CNTNAP2: variants seen among roughly 807,000 people sequenced by gnomAD.
CNTNAP2 encodes contactin associated protein 2.
Under a neutral mutation model 155.2 loss-of-function variants are expected in CNTNAP2, and 98 were observed. The ratio of observed to expected loss-of-function variants is 0.63; its 90% CI spans 0.54 to 0.75. CNTNAP2 has a LOEUF of 0.75. Among genes scored for constraint, CNTNAP2 ranks in the 30% least tolerant of loss-of-function variants. The probability of loss-of-function intolerance (pLI) is 0.00; values close to 1 mark genes in which losing one functional copy is unlikely to be tolerated. For missense variants in CNTNAP2, 1,727 were observed against 1,688.1 expected, an observed-to-expected ratio of 1.02 and a Z score of -0.40; for synonymous variants, 651 against 631.2, an observed-to-expected ratio of 1.03 and a Z score of -0.47.
chr7:147,730,573 C>T (rs1042436184), intron 13 of CNTNAP2, among the ~76,000 whole-genome samples: 1 of 152,060 alleles, frequency 6.6e-6, no homozygotes, highest in Non-Finnish European at 1.5e-5. Context: ...AACTGCTCCA[C>T]CGACCAGCCA....
At chr7:147,956,206 T>C (rs1018191200) in intron 14 of CNTNAP2, among the ~76,000 whole-genome samples, 1 of 151,928 alleles carries the variant, frequency 6.6e-6, no homozygotes, top group Non-Finnish European at 1.5e-5. Context: ...AAACACAAAA[T>C]ACATGAGTGA....
intron 9 of CNTNAP2, among the ~76,000 whole-genome samples, chr7:147,387,861 T>G (rs1366519200): frequency 2.0e-5 from 3 of 152,246 alleles, no homozygotes; most frequent in Admixed American, 1.3e-4. Flanking sequence ...TTTGAGGCTA[T>G]GTTCTGCTTC....
At chr7:147,032,491 T>G (rs1799054398) in intron 3 of CNTNAP2, among the ~76,000 whole-genome samples, 1 of 152,188 alleles carries the variant, frequency 6.6e-6, no homozygotes, top group Admixed American at 6.5e-5. Flanking sequence ...GTGGTGGACT[T>G]GAGAATCAGA....
At chr7:147,895,093 C>A (rs886880864) in intron 13 of CNTNAP2, among the ~76,000 whole-genome samples, 1 of 150,302 alleles carries the variant, frequency 6.7e-6, no homozygotes, top group African/African-American at 2.4e-5. Context: ...GCCTCATCAG[C>A]CTCCTGAGTA....
chr7:148,012,262 C>T (rs536269456), intron 15 of CNTNAP2, among the ~76,000 whole-genome samples: 4 of 152,298 alleles, frequency 2.6e-5, no homozygotes, highest in East Asian at 3.9e-4. Context: ...CTTGCTCTTT[C>T]GAGTCCCCAG....
intron 2 of CNTNAP2, among the ~76,000 whole-genome samples, chr7:146,826,992 A>G (rs1330220050): frequency 6.6e-6 from 1 of 151,852 alleles, no homozygotes; most frequent in Non-Finnish European, 1.5e-5. Flanking sequence ...TACAATGAGA[A>G]CCACTAACAT....
intron 8 of CNTNAP2, among the ~76,000 whole-genome samples, chr7:147,178,962 T>C (rs1274907219): frequency 6.6e-6 from 1 of 152,104 alleles, no homozygotes; most frequent in Non-Finnish European, 1.5e-5. Context: ...AGCAGGGGTC[T>C]TTCATTTTCA....
chr7:146,638,472 G>GTTTTTT (rs1554460106), intron 1 of CNTNAP2, among the ~76,000 whole-genome samples: 2 of 100,106 alleles, frequency 2.0e-5, no homozygotes, highest in East Asian at 3.9e-4. Flanking sequence ...ACAGTCAGGT[G>GTTTTTT]TTTCTTTTTT....
At chr7:146,686,370 T>C (rs1361627274) in intron 1 of CNTNAP2, among the ~76,000 whole-genome samples, 1 of 152,154 alleles carries the variant, frequency 6.6e-6, no homozygotes. Context: ...CTGTATGTGT[T>C]GCGTGTGCAG....
Position 146,774,365 on chromosome 7 carries a change from G to C in CNTNAP2, c.192G>C (p.Lys64Asn). Reference sequence around the variant, plus strand: ...GTAGCTATTCTCCCGGCTATGCCAAGATAAACAAGAGAGGAGGTAAGCCAA... The same window carrying C: ...GTAGCTATTCTCCCGGCTATGCCAACATAAACAAGAGAGGAGGTAAGCCAA... ...ISGSYSPGYA[K>N]INKRGGAGGW... is the part of the protein sequence containing the mutation. Residue 64 changes from lysine (K) to asparagine (N), a missense_variant, in exon 2 of 24, where the codon AAG becomes AAC. Transcript: ENST00000361727. 4 of 1,613,722 alleles carry C rather than the reference G, an allele frequency of 2.5e-6. No individual in the cohort carries two copies. Among genetic ancestry groups the C allele is most frequent in the Non-Finnish European group, 3.4e-6 (4 of 1,179,856 alleles).
At chr7:148,372,092 C>T (rs932966580) in intron 21 of CNTNAP2, among the ~76,000 whole-genome samples, 1 of 151,980 alleles carries the variant, frequency 6.6e-6, no homozygotes, top group East Asian at 1.9e-4. Flanking sequence ...GTCCCAGCTA[C>T]TCGGGAGGCT....
chr7:146,156,586 T>C (rs1798129690), intron 1 of CNTNAP2, among the ~76,000 whole-genome samples: 1 of 152,052 alleles, frequency 6.6e-6, no homozygotes, highest in East Asian at 1.9e-4. Flanking sequence ...CTACATATTG[T>C]TTTAAAGTAA....
intron 1 of CNTNAP2, among the ~76,000 whole-genome samples, chr7:146,430,382 A>G (rs1303640878): frequency 6.6e-6 from 1 of 152,070 alleles, no homozygotes. Flanking sequence ...AGCAGTAAAA[A>G]TATTTCCTAA....
At chr7:147,366,935 G>A (rs74322115) in intron 9 of CNTNAP2, among the ~76,000 whole-genome samples, 1,563 of 152,062 alleles carry the variant, frequency 0.01, 5 homozygotes, top group Non-Finnish European at 0.016. Flanking sequence ...ATATTTTCTG[G>A]AGCGGACTGT....
intron 1 of CNTNAP2, among the ~76,000 whole-genome samples, chr7:146,308,224 A>G (rs547675195): frequency 6.6e-6 from 1 of 152,356 alleles, no homozygotes; most frequent in East Asian, 1.9e-4. Flanking sequence ...GACACATGAA[A>G]AAATGCTCAT....
intron 21 of CNTNAP2, among the ~76,000 whole-genome samples, chr7:148,359,384 C>T (rs972284706): frequency 2.0e-5 from 3 of 152,178 alleles, no homozygotes; most frequent in African/African-American, 7.2e-5. Context: ...CTTTTCAATT[C>T]GGAGATGTAT....
chr7:148,385,343 G>C (rs562522468), intron 22 of CNTNAP2, among the ~76,000 whole-genome samples: 268 of 152,312 alleles, frequency 1.8e-3, no homozygotes, highest in Non-Finnish European at 2.7e-3. Flanking sequence ...GGGCTGGCTT[G>C]AACAAAGGAA....
chr7:147,981,602 T>C (rs1203909065), intron 15 of CNTNAP2, among the ~76,000 whole-genome samples: 2 of 152,252 alleles, frequency 1.3e-5, no homozygotes, highest in Admixed American at 1.3e-4. Flanking sequence ...GAAACCATTT[T>C]TGTGGGCTCT....
chr7:146,458,679 G>A lies in CNTNAP2; in HGVS notation c.98-315592G>A, dbSNP rs1796592700. Among the ~76,000 whole-genome samples, 3 of 152,172 alleles carry A rather than the reference G, an allele frequency of 2.0e-5. No individual in the cohort carries two copies. In the South Asian group the frequency reaches 6.2e-4, roughly 31 times the overall value. ...GATATTTGGTTAGGTATTATTCTGG[G>A]TGTTTCTGTGAGTGGTATTTGGGAG... On this transcript the variant is annotated intron_variant, in intron 1 of 23. Coordinates refer to ENST00000361727, the MANE Select transcript of CNTNAP2 (RefSeq NM_014141.6).
Sources: gnomAD v4.1 joint callset for allele counts (sites outside exome capture counted in the v4.1 genomes callset) on GRCh38, gnomAD v4.1.1 for gene constraint, MANE v1.5 for transcripts, NCBI Gene and HGNC (gene_info 2026-07-23, HGNC 2026-07-21) for gene names.